EFHD1: variants seen among roughly 807,000 people sequenced by gnomAD.
EFHD1 encodes the protein EF-hand domain family member D1.
EFHD1 carries 10 observed loss-of-function variants against 17.2 expected under a neutral mutation model. The ratio of observed to expected loss-of-function variants is 0.58; its 90% CI spans 0.36 to 0.99. The LOEUF (loss-of-function observed/expected upper bound fraction) is 0.99, where lower values mean the gene tolerates loss of function less well. EFHD1 is among the 50% of genes least tolerant of loss of function. The pLI, the probability that EFHD1 is intolerant of heterozygous loss-of-function variation, is 0.01. For missense variants in EFHD1, 310 were observed against 327.5 expected (o/e 0.95, Z 0.41); for synonymous variants, 153 against 142.0 (o/e 1.08, Z -0.55).
rs750327576 is a variant in EFHD1, at chr2:232,633,902, C to T, written c.198C>T (p.Asn66=). The T allele has an allele frequency of 3.3e-5, 52 of 1,574,670 alleles. No individual in the cohort carries two copies. The highest frequency in any genetic ancestry group is 1.9e-4 in the Middle Eastern group (1 of 5,354). ...SAQLSRRLDI[N]EGAARPRRCR... Reference sequence around the variant, plus strand: ...AGCTGAGCCGGCGGCTGGACATCAACGAGGGCGCTGCGCGGCCCCGGCGCT... The same window carrying T: ...AGCTGAGCCGGCGGCTGGACATCAATGAGGGCGCTGCGCGGCCCCGGCGCT... The change falls in exon 1 of 4, where the codon AAC becomes AAT. Residue 66 remains asparagine, a synonymous_variant. Transcript: ENST00000264059.
At chr2:232,645,265 C>T (rs762952354) in intron 1 of EFHD1, among the ~76,000 whole-genome samples, 2 of 152,090 alleles carry the variant, frequency 1.3e-5, no homozygotes, top group African/African-American at 2.4e-5. Context: ...CAGCCCCCTG[C>T]CACGGGTCAG....
At chr2:232,680,905 G>A (rs1036177640) in intron 3 of EFHD1, among the ~76,000 whole-genome samples, 5 of 151,620 alleles carry the variant, frequency 3.3e-5, no homozygotes, top group South Asian at 2.1e-4. Flanking sequence ...AGTGGCTCAC[G>A]CCTGTAATCC....
upstream of EFHD1, among the ~76,000 whole-genome samples, chr2:232,629,027 C>T (rs1005125181): frequency 6.6e-6 from 1 of 152,172 alleles, no homozygotes; most frequent in African/African-American, 2.4e-5. Context: ...CCAGCTGGAG[C>T]CGGCACGGAT....
chr2:232,620,077 A>AT (rs549015358), intron 1 of EFHD1, among the ~76,000 whole-genome samples: 3,058 of 141,740 alleles, frequency 0.022, 96 homozygotes, highest in African/African-American at 0.071. Flanking sequence ...TAATGATGTC[A>AT]TTTTTTTTTT....
chr2:232,607,707 T>C (rs376872556), intron 1 of EFHD1, among the ~76,000 whole-genome samples: 6 of 151,840 alleles, frequency 4.0e-5, no homozygotes, highest in Admixed American at 2.0e-4. Flanking sequence ...TGAGCTGTGA[T>C]TGGGCCACTG....
At chr2:232,678,005 A>T (rs868137832) in intron 3 of EFHD1, among the ~76,000 whole-genome samples, 12 of 152,198 alleles carry the variant, frequency 7.9e-5, no homozygotes, top group Middle Eastern at 3.4e-3. Context: ...TTCAGGGGCC[A>T]GGAGCAGTGG....
intron 3 of EFHD1, 152 bp downstream of exon 3, chr2:232,672,595 C>A: frequency 1.9e-6 from 2 of 1,063,454 alleles, no homozygotes; most frequent in Non-Finnish European, 2.7e-6. Context: ...CAAGTGGGTG[C>A]CAGTCCACCT....
chr2:232,660,978 AAAAAC>A (rs754659749), intron 1 of EFHD1, among the ~76,000 whole-genome samples: 5 of 151,944 alleles, frequency 3.3e-5, no homozygotes, highest in African/African-American at 7.2e-5. Context: ...ACTCCGTCTC[AAAAAC>A]AAAACAAAAC....
intron 1 of EFHD1, among the ~76,000 whole-genome samples, chr2:232,614,077 A>ACACACATGCACACACATTATG (rs1693874322): frequency 1.4e-5 from 2 of 142,112 alleles, no homozygotes; most frequent in Non-Finnish European, 3.1e-5. Flanking sequence ...CACACATTAT[A>ACACACATGCACACACATTATG]CACACATATA....
intron 1 of EFHD1, among the ~76,000 whole-genome samples, chr2:232,657,255 T>C (rs1694779492): frequency 6.6e-6 from 1 of 152,206 alleles, no homozygotes; most frequent in Non-Finnish European, 1.5e-5. Flanking sequence ...ACAGTCACCA[T>C]TCTACTTCTG....
intron 1 of EFHD1, among the ~76,000 whole-genome samples, chr2:232,659,190 C>T (rs1161680864): frequency 1.3e-5 from 2 of 152,062 alleles, no homozygotes; most frequent in East Asian, 1.9e-4. Context: ...TGTCTGTGTC[C>T]TTTAGTGCTT....
At chr2:232,609,758 C>T (rs1420002080) in intron 1 of EFHD1, among the ~76,000 whole-genome samples, 5 of 152,178 alleles carry the variant, frequency 3.3e-5, no homozygotes, top group East Asian at 1.9e-4. Context: ...GAAACAGTCC[C>T]GACACACAAT....
intron 1 of EFHD1, among the ~76,000 whole-genome samples, chr2:232,642,373 CA>C (rs764647177): frequency 0.36 from 24,984 of 68,984 alleles, 1,201 homozygotes; most frequent in Middle Eastern, 0.46. Context: ...GACTCTGTCT[CA>C]AAAAAAAAAA....
At position 232,681,775 on chromosome 2, in the gene EFHD1, G is replaced by A; in HGVS notation, c.*56G>A. The A allele has an allele frequency of 6.3e-7, 1 of 1,583,926 alleles. No individual in the cohort carries two copies. Among genetic ancestry groups the A allele is most frequent in the Non-Finnish European group, 8.6e-7 (1 of 1,164,992 alleles). ...GTGCCTCACAGATGCCCCGAGAAGA[G>A]ATGACTAGGCATCTTCATCACTGCT... On this transcript the variant is annotated 3_prime_UTR_variant, in exon 4 of 4. Coordinates refer to ENST00000264059, the MANE Select transcript of EFHD1 (RefSeq NM_025202.4).
intron 1 of EFHD1, among the ~76,000 whole-genome samples, chr2:232,608,930 AAAAAT>A (rs1322584491): frequency 6.6e-6 from 1 of 152,118 alleles, no homozygotes; most frequent in Non-Finnish European, 1.5e-5. Flanking sequence ...CTCCATCTCA[AAAAAT>A]AAAATAAAAT....
At chr2:232,662,777 G>A (rs1694897355) in intron 1 of EFHD1, 25 bp from the exon 2 acceptor site, 1 of 1,554,386 alleles carries the variant, frequency 6.4e-7, no homozygotes, top group Admixed American at 2.2e-5. Context: ...TTTCATCCCG[G>A]TCATGCATTC....
intron 1 of EFHD1, among the ~76,000 whole-genome samples, chr2:232,627,481 A>C (rs1336802138): frequency 6.6e-6 from 1 of 152,172 alleles, no homozygotes; most frequent in Non-Finnish European, 1.5e-5. Flanking sequence ...ATATCAAAGA[A>C]GAATATCCAC....
At chr2:232,637,686 T>C (rs1304442583) in intron 1 of EFHD1, among the ~76,000 whole-genome samples, 2 of 152,206 alleles carry the variant, frequency 1.3e-5, no homozygotes, top group Non-Finnish European at 2.9e-5. Flanking sequence ...CATGTTCTGA[T>C]GTCGCCTTAG....
chr2:232,652,555 G>A (rs1030725020), intron 1 of EFHD1, among the ~76,000 whole-genome samples: 5 of 152,128 alleles, frequency 3.3e-5, no homozygotes, highest in African/African-American at 9.6e-5. Flanking sequence ...TGTTCAGTGA[G>A]GTAATTTAGG....
Sources: allele counts gnomAD v4.1 joint callset (sites outside exome capture counted in the v4.1 genomes callset), GRCh38; gene constraint gnomAD v4.1.1; transcripts MANE v1.5; gene names NCBI Gene and HGNC (gene_info 2026-07-23, HGNC 2026-07-21).